Variants in SLC14A2 observed in about 807,000 individuals in gnomAD.
SLC14A2 encodes solute carrier family 14 member 2, also known as urea transporter 2.
A neutral mutation model predicts 104.6 loss-of-function variants in SLC14A2; 91 were observed. The observed-to-expected ratio is 0.87, with a 90% CI of 0.73 to 1.04. The LOEUF (loss-of-function observed/expected upper bound fraction) is 1.04, where lower values mean the gene tolerates loss of function less well. Among genes scored for constraint, SLC14A2 ranks in the 50% least tolerant of loss-of-function variants. The probability of loss-of-function intolerance (pLI) is 0.00; values close to 1 mark genes in which losing one functional copy is unlikely to be tolerated. For synonymous variants in SLC14A2, 476 were observed against 466.4 expected (o/e 1.02, Z -0.27); for missense variants, 1,189 against 1,156.0 (o/e 1.03, Z -0.41).
At chr18:45,257,352 C>G (rs1345747057) in intron 1 of SLC14A2, among the ~76,000 whole-genome samples, 1 of 152,170 alleles carries the variant, frequency 6.6e-6, no homozygotes, top group African/African-American at 2.4e-5. Flanking sequence ...TTATTCCTAA[C>G]TTTTGTATTT....
At chr18:45,534,868 A>T (rs34793310) in intron 2 of SLC14A2, among the ~76,000 whole-genome samples, 1 of 152,080 alleles carries the variant, frequency 6.6e-6, no homozygotes, top group Non-Finnish European at 1.5e-5. Flanking sequence ...TGTGCCATTG[A>T]CTGCACCACA....
intron 2 of SLC14A2, among the ~76,000 whole-genome samples, chr18:45,494,833 G>A (rs1055457960): frequency 2.6e-5 from 4 of 151,546 alleles, no homozygotes; most frequent in South Asian, 2.1e-4. Context: ...ACTTTGTTTC[G>A]AGACAGCACC....
chr18:45,424,827 T>C (rs1487442634), intron 1 of SLC14A2, among the ~76,000 whole-genome samples: 1 of 152,240 alleles, frequency 6.6e-6, no homozygotes, highest in Non-Finnish European at 1.5e-5. Context: ...AAGTTTGCTA[T>C]AGCAACCACT....
chr18:45,172,668 AC>A, the SLC14A2 span, among the ~76,000 whole-genome samples: 8 of 152,112 alleles, frequency 5.3e-5, no homozygotes, highest in African/African-American at 1.9e-4. Flanking sequence ...CTATTAGGAA[AC>A]CAAAACTCAG....
chr18:45,296,547 T>C (rs2084919412), intron 1 of SLC14A2, among the ~76,000 whole-genome samples: 1 of 152,018 alleles, frequency 6.6e-6, no homozygotes, highest in South Asian at 2.1e-4. Context: ...GTCCTTTCCA[T>C]CTTCCCGGTG....
At chr18:45,455,872 G>T (rs2086935364) in intron 1 of SLC14A2, among the ~76,000 whole-genome samples, 1 of 152,186 alleles carries the variant, frequency 6.6e-6, no homozygotes, top group African/African-American at 2.4e-5. Flanking sequence ...GAGAAAGAGT[G>T]ATGGAGTGAG....
intron 1 of SLC14A2, among the ~76,000 whole-genome samples, chr18:45,275,213 G>A (rs1444754699): frequency 6.6e-6 from 1 of 152,118 alleles, no homozygotes; most frequent in Non-Finnish European, 1.5e-5. Flanking sequence ...AAAAGTATGT[G>A]CAAAGAATAA....
chr18:45,615,715 T>C (rs973223962), intron 1 of SLC14A2, 133 bp downstream of exon 1: 1 of 152,106 alleles, frequency 6.6e-6, no homozygotes, highest in African/African-American at 2.4e-5. Flanking sequence ...CTGTCTCCAC[T>C]GTGCCACCAC....
chr18:45,384,908 C>A (rs1204768284), intron 1 of SLC14A2, among the ~76,000 whole-genome samples: 1 of 152,170 alleles, frequency 6.6e-6, no homozygotes, highest in African/African-American at 2.4e-5. Context: ...AGCTGCAAAC[C>A]ATACACAGCT....
chr18:45,355,543 A>C (rs930571478), intron 1 of SLC14A2, among the ~76,000 whole-genome samples: 8 of 130,586 alleles, frequency 6.1e-5, no homozygotes, highest in Non-Finnish European at 1.1e-4. Flanking sequence ...GCACCATTGC[A>C]CTCCAGCCTG....
intron 1 of SLC14A2, among the ~76,000 whole-genome samples, chr18:45,345,934 T>C (rs987890179): frequency 6.6e-6 from 1 of 152,186 alleles, no homozygotes; most frequent in African/African-American, 2.4e-5. Context: ...CCACTAACAG[T>C]AAATGAGAGT....
intron 12 of SLC14A2, among the ~76,000 whole-genome samples, chr18:45,666,698 C>A (rs974888001): frequency 3.9e-5 from 6 of 152,056 alleles, no homozygotes; most frequent in Admixed American, 3.9e-4. Context: ...CAGAGTCCTC[C>A]TCCACAGAAC....
chr18:45,431,871 G>T (rs1568199889), intron 1 of SLC14A2, among the ~76,000 whole-genome samples: 1 of 152,190 alleles, frequency 6.6e-6, no homozygotes, highest in Non-Finnish European at 1.5e-5. Context: ...TGACGATGAG[G>T]AGAGGAAGAA....
chr18:45,498,588 C>G (rs1819306319), intron 2 of SLC14A2, among the ~76,000 whole-genome samples: 1 of 152,186 alleles, frequency 6.6e-6, no homozygotes, highest in African/African-American at 2.4e-5. Flanking sequence ...CTCCCATCTC[C>G]ACTCCTGTTC....
chr18:45,512,908 T>C (rs1166564160), intron 2 of SLC14A2, among the ~76,000 whole-genome samples: 1 of 152,194 alleles, frequency 6.6e-6, no homozygotes, highest in East Asian at 1.9e-4. Flanking sequence ...AAGTACTTTC[T>C]GTCAGTAACT....
chr18:45,446,949 C>A (rs1322183369), intron 1 of SLC14A2, among the ~76,000 whole-genome samples: 1 of 152,192 alleles, frequency 6.6e-6, no homozygotes. Flanking sequence ...TGCTTCTCAT[C>A]CCCACCTCCA....
At chr18:45,462,961 AAATATGCTGAATGTATGT>A (rs1195961772) in intron 1 of SLC14A2, among the ~76,000 whole-genome samples, 5 of 152,332 alleles carry the variant, frequency 3.3e-5, no homozygotes, top group Non-Finnish European at 5.9e-5. Flanking sequence ...TTTTAAAACG[AAATATGCTGAATGTATGT>A]TAACTTTTTG....
intron 6 of SLC14A2, among the ~76,000 whole-genome samples, chr18:45,639,112 C>T (rs117266187): frequency 1.4e-3 from 214 of 152,344 alleles, no homozygotes; most frequent in Non-Finnish European, 2.4e-3. Flanking sequence ...CAATGCTATG[C>T]GGTCTTCGAG....
At chr18:45,485,915 T>C (rs1020716037) in intron 2 of SLC14A2, among the ~76,000 whole-genome samples, 22 of 152,236 alleles carry the variant, frequency 1.4e-4, no homozygotes, top group African/African-American at 5.3e-4. Flanking sequence ...AGACCTGCTG[T>C]TGGCTGCTGT....
Sources: allele counts gnomAD v4.1 joint callset (sites outside exome capture counted in the v4.1 genomes callset), GRCh38; gene constraint gnomAD v4.1.1; transcripts MANE v1.5; gene names NCBI Gene and HGNC (gene_info 2026-07-23, HGNC 2026-07-21).